ZNF532: variants seen among roughly 807,000 people sequenced by gnomAD.
ZNF532 encodes the protein zinc finger protein 532.
In ZNF532, 22 loss-of-function variants were observed where a neutral mutation model predicts 89.3. The ratio of observed to expected loss-of-function variants is 0.25; its 90% CI spans 0.18 to 0.35. ZNF532 has a LOEUF of 0.35. Among genes scored for constraint, ZNF532 ranks in the 10% least tolerant of loss-of-function variants. ZNF532 has a pLI of 1.00. For missense variants in ZNF532, 1,132 were observed against 1,643.4 expected, an observed-to-expected ratio of 0.69 and a Z score of 5.38; for synonymous variants, 606 against 649.6, an observed-to-expected ratio of 0.93 and a Z score of 1.02.
At chr18:58,952,565 C>T (rs1198511283) in intron 6 of ZNF532, among the ~76,000 whole-genome samples, 11 of 152,022 alleles carry the variant, frequency 7.2e-5, no homozygotes, top group Middle Eastern at 3.4e-3. Flanking sequence ...CCACTATGCC[C>T]GAGTAATTTA....
At chr18:58,949,914 C>A (rs1429284444) in intron 6 of ZNF532, among the ~76,000 whole-genome samples, 1 of 152,124 alleles carries the variant, frequency 6.6e-6, no homozygotes, top group Non-Finnish European at 1.5e-5. Flanking sequence ...TGAATAAAAG[C>A]ATGGGAGATG....
chr18:58,881,275 G>A (rs530638604), intron 2 of ZNF532, among the ~76,000 whole-genome samples: 6 of 151,984 alleles, frequency 3.9e-5, no homozygotes, highest in Admixed American at 3.9e-4. Flanking sequence ...GGGATTACAG[G>A]GGCCTGCCAC....
At chr18:58,934,208 C>T in intron 3 of ZNF532, 2 of 433,410 alleles carry the variant, frequency 4.6e-6, no homozygotes. Flanking sequence ...TTAGCTCATA[C>T]TTTGAGACGA....
Position 58,919,946 on chromosome 18 carries a change from G to A in ZNF532, c.1659G>A (p.Gln553=). ...CCAAACCTCAGCAACAAATAAAGCA[G>A]GCAATAATCAATGCAGCAGCCTCGC... ...VLTKPQQQIK[Q]AIINAAASQP... is the part of the protein sequence containing the mutation. The change falls in exon 3 of 10, where the codon CAG becomes CAA. Residue 553 remains glutamine, a synonymous_variant. Transcript: ENST00000591808. The surrounding 1 kb of genome is among the most constrained non-coding windows in gnomAD (Gnocchi z 6.1). 1.2e-6 allele frequency: 2 copies of A among 1,613,906 alleles called. No homozygotes were observed. The highest frequency in any genetic ancestry group is 1.7e-6 in the Non-Finnish European group (2 of 1,179,848).
chr18:58,867,270 C>T (rs2056557339), intron 2 of ZNF532, among the ~76,000 whole-genome samples: 1 of 152,080 alleles, frequency 6.6e-6, no homozygotes, highest in African/African-American at 2.4e-5. Flanking sequence ...ATGGAATGTT[C>T]TGGTTTTCTG....
intron 2 of ZNF532, 25 bp from the exon 3 acceptor site, chr18:58,918,246 G>T (rs1278517323): frequency 1.3e-6 from 2 of 1,581,652 alleles, no homozygotes; most frequent in South Asian, 2.3e-5. Context: ...ATTACTGATG[G>T]AACTATTTTC....
intron 2 of ZNF532, among the ~76,000 whole-genome samples, chr18:58,872,399 G>T (rs1224897897): frequency 6.6e-6 from 1 of 152,094 alleles, no homozygotes; most frequent in Admixed American, 6.5e-5. Flanking sequence ...GCTAGTAATG[G>T]GTATTGATTT....
chr18:58,955,118 A>T (rs1323207501), intron 7 of ZNF532, among the ~76,000 whole-genome samples: 2 of 152,188 alleles, frequency 1.3e-5, no homozygotes, highest in Admixed American at 6.5e-5. Context: ...TCAGCTGGGC[A>T]TGGTGGCTCA....
intron 8 of ZNF532, 69 bp downstream of exon 8, chr18:58,979,236 A>G (rs2067417732): frequency 1.6e-5 from 19 of 1,179,212 alleles, no homozygotes; most frequent in Non-Finnish European, 2.2e-5. Flanking sequence ...TTTTTAGTGT[A>G]GTACCATTAA....
At chr18:58,970,227 A>C (rs1003058582) in intron 7 of ZNF532, among the ~76,000 whole-genome samples, 3 of 152,134 alleles carry the variant, frequency 2.0e-5, no homozygotes, top group Non-Finnish European at 2.9e-5. Context: ...ACGGGGAAAA[A>C]AATCTTTCAC....
At chr18:58,925,277 G>T (rs1012376925) in intron 3 of ZNF532, among the ~76,000 whole-genome samples, 1 of 152,120 alleles carries the variant, frequency 6.6e-6, no homozygotes, top group Non-Finnish European at 1.5e-5. Context: ...CCAGCATTTG[G>T]TGCTGTTACC....
At chr18:58,965,862 A>T (rs1177534341) in intron 7 of ZNF532, among the ~76,000 whole-genome samples, 3 of 152,178 alleles carry the variant, frequency 2.0e-5, no homozygotes, top group African/African-American at 7.2e-5. Flanking sequence ...CCTGAGCCTT[A>T]TGAGGGACAG....
rs765866452 is a variant in ZNF532 at position 58,920,378 on chromosome 18, TACTTCCACTTCA to T, written c.2101_2112del (p.Ser701_Thr704del). ...AAATGATAGTTTCTCCGTCAAGCAA[TACTTCCACTTCA>T]ACTTCCACTCTTCAGAGCCCTGTGG... On this transcript the variant is annotated inframe_deletion, in exon 3 of 10. Coordinates refer to ENST00000591808, the MANE Select transcript of ZNF532 (RefSeq NM_001375912.1). The T allele has an allele frequency of 1.2e-6, 2 of 1,613,846 alleles. No individual in the cohort carries two copies. The highest frequency in any genetic ancestry group is 2.7e-5 in the African/African-American group (2 of 74,902).
At chr18:58,875,144 T>TC (rs141203651) in intron 2 of ZNF532, among the ~76,000 whole-genome samples, 12,633 of 151,354 alleles carry the variant, frequency 0.083, 1,011 homozygotes, top group East Asian at 0.38. Context: ...ATTTCACCTT[T>TC]CCCCCCCCTT....
intron 2 of ZNF532, among the ~76,000 whole-genome samples, chr18:58,904,478 T>G (rs1438616888): frequency 6.6e-6 from 1 of 152,236 alleles, no homozygotes; most frequent in Non-Finnish European, 1.5e-5. Flanking sequence ...TTCCTATTTA[T>G]CGGTGTTAAT....
At chr18:58,877,312 G>C (rs1367133620) in intron 2 of ZNF532, among the ~76,000 whole-genome samples, 1 of 152,148 alleles carries the variant, frequency 6.6e-6, no homozygotes, top group Non-Finnish European at 1.5e-5. Context: ...GGGTCCTTGG[G>C]TGAAGCTGTC....
At chr18:58,930,140 C>G (rs542283594) in intron 3 of ZNF532, among the ~76,000 whole-genome samples, 1 of 152,208 alleles carries the variant, frequency 6.6e-6, no homozygotes, top group East Asian at 1.9e-4. Flanking sequence ...TACTTTTCTG[C>G]CTAAAATATG....
intron 2 of ZNF532, among the ~76,000 whole-genome samples, chr18:58,881,937 C>T (rs2057956210): frequency 6.6e-6 from 1 of 152,136 alleles, no homozygotes; most frequent in African/African-American, 2.4e-5. Context: ...GGAAATACTT[C>T]CAGAACCATC....
intron 2 of ZNF532, chr18:58,916,610 G>A: frequency 1.6e-6 from 1 of 616,262 alleles, no homozygotes; most frequent in Non-Finnish European, 2.0e-6. Flanking sequence ...AACCGAGACA[G>A]GTGTGAATAG....
Sources: allele counts gnomAD v4.1 joint callset (sites outside exome capture counted in the v4.1 genomes callset), GRCh38; gene constraint gnomAD v4.1.1; non-coding constraint Gnocchi (gnomAD v3.1); transcripts MANE v1.5; gene names NCBI Gene and HGNC (gene_info 2026-07-23, HGNC 2026-07-21).